Variants in CEMP1 observed in about 807,000 individuals in gnomAD.
The protein encoded by CEMP1 is cementum protein 1.
For synonymous variants in CEMP1, 161 were observed against 128.6 expected (o/e 1.25, Z -1.71); for missense variants, 387 against 316.9 (o/e 1.22, Z -1.68).
chr16:2,530,451 C>T lies in CEMP1; in HGVS notation c.623G>A (p.Arg208Lys). The change falls in exon 1 of 1, where the codon AGG (arginine) becomes AAG (lysine). Residue 208 changes from arginine (R) to lysine (K), a missense_variant. Arg to Lys is a conservative substitution (Grantham distance 26, BLOSUM62 2). Coordinates refer to ENST00000567119, the MANE Select transcript of CEMP1 (RefSeq NM_001048212.3). ...DPTVAVLRAK[R>K]APEAHPPRSC... ...TCGAGGCGGGTGGGCTTCTGGAGCC[C>T]TCTTGGCTCTGAGGACAGCCACAGT... is the stretch of plus-strand genomic sequence containing the variant. The T allele has an allele frequency of 6.2e-7, 1 of 1,614,120 alleles. No individual in the cohort carries two copies. The highest frequency in any genetic ancestry group is 8.5e-7 in the Non-Finnish European group (1 of 1,180,010).
rs747424909 is a variant in CEMP1 at position 2,530,540 on chromosome 16, A to T, written c.534T>A (p.Asn178Lys). The stretch of plus-strand genomic sequence containing the variant: ...GGGTGATTGTCTTGACTTTCTCTCC[A>T]TTTGAGTTCTGGGGTGGGTGGCTCC... ...GEGSHPPQNS[N>K]GEKVKTITPD... The change falls in exon 1 of 1, where the codon AAT (asparagine) becomes AAA (lysine). Residue 178 changes from asparagine (N) to lysine (K), a missense_variant. Physicochemically the swap from Asn to Lys is moderately conservative, Grantham distance 94 (BLOSUM62 0). Transcript: ENST00000567119. The T allele has an allele frequency of 6.2e-7, 1 of 1,614,126 alleles. No homozygotes were observed. Among genetic ancestry groups the T allele is most frequent in the Non-Finnish European group, 8.5e-7 (1 of 1,180,002 alleles).
Position 2,531,195 on chromosome 16 carries a change from C to T in CEMP1, c.-122G>A, listed in dbSNP as rs2066091570. 1 of 1,290,676 alleles carries T rather than the reference C, an allele frequency of 7.7e-7. No individual in the cohort carries two copies. The highest frequency in any genetic ancestry group is 1.1e-6 in the Non-Finnish European group (1 of 946,358). The allele number at this position is 1,290,676 out of a possible 1,614,324, so 80.0% of individuals were successfully genotyped here. A position where few individuals can be genotyped will look rare whatever the true frequency, so the allele number is the denominator to read the frequency against. On this transcript the variant is annotated 5_prime_UTR_variant, in exon 1 of 1. Transcript: ENST00000567119. The stretch of plus-strand genomic sequence containing the variant: ...GGCCTGCCCCATTCACCGGCCAGCG[C>T]CCCACCTCCCTGGCTGGAGGGTCGG...
At position 2,531,210 on chromosome 16, in the gene CEMP1, T is replaced by C. The variant is rs1304641828; in HGVS notation, c.-137A>G. On this transcript the variant is annotated 5_prime_UTR_variant, in exon 1 of 1. Coordinates refer to ENST00000567119, the MANE Select transcript of CEMP1 (RefSeq NM_001048212.3). ...CCGGCCAGCGCCCCACCTCCCTGGCTGGAGGGTCGGGGAGGGGCTGGCAGA... is the reference window on the plus strand; with the variant it reads ...CCGGCCAGCGCCCCACCTCCCTGGCCGGAGGGTCGGGGAGGGGCTGGCAGA... The C allele has an allele frequency of 8.4e-7, 1 of 1,192,554 alleles. No homozygotes were observed. Among genetic ancestry groups the C allele is most frequent in the East Asian group, 2.5e-5 (1 of 39,468 alleles). 73.9% of individuals were successfully genotyped at this position (1,192,554 alleles called of 1,614,324 possible).
Position 2,531,016 on chromosome 16 carries a change from T to TA in CEMP1, c.57dup (p.Asn20Ter). On this transcript the variant is annotated frameshift_variant, in exon 1 of 2. Transcript: ENST00000565480. LOFTEE classifies it high-confidence loss of function. Reference sequence around the variant, plus strand: ...CAGGTGAGGTTCTCAGCCGATGTGTTAGAGGTTGAGCATCGCCTGTGCCCA... The same window carrying TA: ...CAGGTGAGGTTCTCAGCCGATGTGTTAAGAGGTTGAGCATCGCCTGTGCCCA... 6.2e-7 allele frequency: 1 copy of TA among 1,607,396 alleles called. No individual in the cohort carries two copies. The highest frequency in any genetic ancestry group is 8.5e-7 in the Non-Finnish European group (1 of 1,175,060).
rs183580585 is a variant in CEMP1 at position 2,530,072 on chromosome 16, C to T, written c.*258G>A. The T allele has an allele frequency of 2.5e-4, 232 of 913,726 alleles. No homozygotes were observed. Among genetic ancestry groups the T allele is most frequent in the Admixed American group, 7.0e-4 (24 of 34,222 alleles). The allele number at this position is 913,726 out of a possible 1,614,324, so 56.6% of individuals were successfully genotyped here. ...TCTGCTCCTGAGTTGGGGTGTGCAG[C>T]GTGGAGCCCACAGCCTGGTTCTGGG... On this transcript the variant is annotated 3_prime_UTR_variant, in exon 1 of 1. Transcript: ENST00000567119.
Position 2,530,773 on chromosome 16 carries a change from G to A in CEMP1, c.301C>T (p.Pro101Ser). 3 of 1,613,654 alleles carry A rather than the reference G, an allele frequency of 1.9e-6. No individual in the cohort carries two copies. The highest frequency in any genetic ancestry group is 1.7e-6 in the Non-Finnish European group (2 of 1,179,952). ...GGCCTCGCCTGAGGGAGGGCCTGGG[G>A]CAGGGCACAAGGGGTTGATCTCAGC... ...CGLRSTPCAL[P>S]QALPQARPCP... The change falls in exon 1 of 1, where the codon CCC (proline) becomes TCC (serine). Residue 101 changes from proline (P) to serine (S), a missense_variant. Coordinates refer to ENST00000567119, the MANE Select transcript of CEMP1 (RefSeq NM_001048212.3).
chr16:2,530,372 G>C lies in CEMP1; in HGVS notation c.702C>G (p.Gly234=), dbSNP rs763548711. 3 of 1,614,144 alleles carry C rather than the reference G, an allele frequency of 1.9e-6. No homozygotes were observed. The Admixed American group carries it at 5.0e-5, about 27-fold the overall frequency. Residue 234 remains glycine, a synonymous_variant, in exon 1 of 1, where the codon GGC becomes GGG. Transcript: ENST00000567119. ...TCCTGCCATCTTCTGTGTCCCCTTGGCCCTGGCACACACCCATGTGGCAAA... is the reference window on the plus strand; with the variant it reads ...TCCTGCCATCTTCTGTGTCCCCTTGCCCCTGGCACACACCCATGTGGCAAA... ...ARVCHMGVCQ[G]QGDTEDGRMT...
In CEMP1 at chr16:2,531,290, G is replaced by T; in HGVS notation, c.-217C>A. 1 of 588,446 alleles carries T rather than the reference G, an allele frequency of 1.7e-6. No individual in the cohort carries two copies. The highest frequency in any genetic ancestry group is 3.0e-6 in the Non-Finnish European group (1 of 328,220). The allele number at this position is 588,446 out of a possible 1,614,324, so 36.5% of individuals were successfully genotyped here. ...TGGTGGGAGAGGGGCCCAGGGTCAGGGTGAGAGAGAGCTGGGCCAGGGAGC... is the reference window on the plus strand; with the variant it reads ...TGGTGGGAGAGGGGCCCAGGGTCAGTGTGAGAGAGAGCTGGGCCAGGGAGC... On this transcript the variant is annotated 5_prime_UTR_variant, in exon 1 of 1. Transcript: ENST00000567119.
At position 2,530,910 on chromosome 16, in the gene CEMP1, T is replaced by G. The variant is rs1468617939; in HGVS notation, c.164A>C (p.Lys55Thr). The G allele has an allele frequency of 7.4e-6, 12 of 1,613,336 alleles. No individual in the cohort carries two copies. The highest frequency in any genetic ancestry group is 1.0e-5 in the Non-Finnish European group (12 of 1,179,954). Residue 55 changes from lysine to threonine, a missense_variant, in exon 1 of 1, where the codon AAG becomes ACG. Physicochemically the swap from Lys to Thr is moderately conservative, Grantham distance 78. Transcript: ENST00000567119. ...AQAGAGQPLPKGCAAVKAEVG... is the reference protein window; with the variant it reads ...AQAGAGQPLPTGCAAVKAEVG... Reference sequence around the variant, plus strand: ...CTCTGCCTTGACGGCCGCGCACCCCTTAGGAAGTGGCTGTCCAGCGCCTGC... The same window carrying G: ...CTCTGCCTTGACGGCCGCGCACCCCGTAGGAAGTGGCTGTCCAGCGCCTGC...
rs377752525 is a variant in CEMP1, at chr16:2,530,616, G to C, written c.458C>G (p.Ala153Gly). The change falls in exon 1 of 1, where the codon GCC (alanine) becomes GGC (glycine). Residue 153 changes from alanine to glycine, a missense_variant. Transcript: ENST00000567119. ...LQQREENSGR[A>G]RRVPPVPRTA... The stretch of plus-strand genomic sequence containing the variant: ...CCTGGGCACAGGAGGTACGCGCCTG[G>C]CTCTGCCACTGTTCTCTTCCCTCTG... The C allele has an allele frequency of 6.2e-7, 1 of 1,614,050 alleles. No individual in the cohort carries two copies. The highest frequency in any genetic ancestry group is 8.5e-7 in the Non-Finnish European group (1 of 1,180,032).
At position 2,531,400 on chromosome 16, in the gene CEMP1, C is replaced by G. The variant is rs1002868224; in HGVS notation, c.-327G>C. On this transcript the variant is annotated 5_prime_UTR_variant, in exon 1 of 1. Transcript: ENST00000567119. ...TTAAAAATTGTGGTAAAATACATAA[C>G]AAAAGTAACTATCGTAACCTGAGCA... The G allele has an allele frequency of 4.9e-5, 25 of 505,890 alleles. No homozygotes were observed. The highest frequency in any genetic ancestry group is 5.1e-4 in the Middle Eastern group (1 of 1,950). 31.3% of individuals were successfully genotyped at this position (505,890 alleles called of 1,614,324 possible).
rs568513483 is a variant in CEMP1 at position 2,531,168 on chromosome 16, C to T, written c.-95G>A. The T allele has an allele frequency of 2.4e-5, 35 of 1,465,528 alleles. 1 individual carries two copies. The South Asian group carries it at 4.5e-4, about 19-fold the overall frequency. The allele number at this position is 1,465,528 out of a possible 1,614,324, so 90.8% of individuals were successfully genotyped here. ...GTGAGCCCTGGGCCAGCCTTTGGGC[C>T]TGGCCTGCCCCATTCACCGGCCAGC... On this transcript the variant is annotated 5_prime_UTR_variant, in exon 1 of 1. Transcript: ENST00000567119.
intron 1 of CEMP1, chr16:2,530,509 CG>C (rs762863308): frequency 3.1e-6 from 5 of 1,614,048 alleles, no homozygotes; most frequent in Non-Finnish European, 1.7e-6. Context: ...TGCAGCCCCA[CG>C]TCAGGGGTGA....
chr16:2,531,045 TGCTG>T lies in CEMP1; in HGVS notation c.25_28del (p.Gln9LysfsTer?). ...GGTTGAGCATCGCCTGTGCCCAGCT[TGCTG>T]GCTGTCAGTGCTTGATGTGCCCATC... is the stretch of plus-strand genomic sequence containing the variant. On this transcript the variant is annotated frameshift_variant, in exon 1 of 2. Transcript: ENST00000565480. LOFTEE classifies it high-confidence loss of function. 1 of 1,597,836 alleles carries T rather than the reference TGCTG, an allele frequency of 6.3e-7. No individual in the cohort carries two copies. Among genetic ancestry groups the T allele is most frequent in the Non-Finnish European group, 8.6e-7 (1 of 1,167,902 alleles).
chr16:2,530,790 G>T lies in CEMP1; in HGVS notation c.142+142C>A, dbSNP rs758022186. 20 of 1,613,526 alleles carry T rather than the reference G, an allele frequency of 1.2e-5. No individual in the cohort carries two copies. In the African/African-American group the frequency reaches 2.4e-4, roughly 19 times the overall value. On this transcript the variant is annotated intron_variant, in intron 1 of 1. Transcript: ENST00000565480. ...GGCCTGGGGCAGGGCACAAGGGGTT[G>T]ATCTCAGCCCACAAGCCCCAGGGGC... is the stretch of plus-strand genomic sequence containing the variant.
chr16:2,531,372 T>G lies in CEMP1; in HGVS notation c.-299A>C, dbSNP rs2066094738. On this transcript the variant is annotated 5_prime_UTR_variant, in exon 1 of 1. Coordinates refer to ENST00000567119, the MANE Select transcript of CEMP1 (RefSeq NM_001048212.3). ...GCACTCTTGGTTGGTTTTGGTTTGC[T>G]TTTTAAAAATTGTGGTAAAATACAT... 1 of 504,760 alleles carries G rather than the reference T, an allele frequency of 2.0e-6. No individual in the cohort carries two copies. The highest frequency in any genetic ancestry group is 3.6e-6 in the Non-Finnish European group (1 of 276,654). 31.3% of individuals were successfully genotyped at this position (504,760 alleles called of 1,614,324 possible). A position where few individuals can be genotyped will look rare whatever the true frequency, so the allele number is the denominator to read the frequency against.
rs1386239243 is a variant in CEMP1 at position 2,530,975 on chromosome 16, C to T, written c.99G>A (p.Gly33=). The change falls in exon 1 of 1, where the codon GGG becomes GGA. Residue 33 remains glycine, a synonymous_variant. Coordinates refer to ENST00000567119, the MANE Select transcript of CEMP1 (RefSeq NM_001048212.3). The stretch of plus-strand genomic sequence containing the variant: ...GGAGAGGAGCTGTCTTGCCAGGGCT[C>T]CCAGGCAGGGAGAGGCAGGTGAGGT... ...AENLTCLSLP[G]SPGKTAPLPG... 1.5e-5 allele frequency: 24 copies of T among 1,613,386 alleles called. No individual in the cohort carries two copies. Among genetic ancestry groups the T allele is most frequent in the Non-Finnish European group, 1.9e-5 (23 of 1,179,916 alleles).
intron 1 of CEMP1, chr16:2,530,676 C>T (rs1419799133): frequency 6.2e-7 from 1 of 1,614,014 alleles, no homozygotes; most frequent in Non-Finnish European, 8.5e-7. Flanking sequence ...TCTCCAGGTC[C>T]AAAGAGATAG....
At position 2,530,520 on chromosome 16, in the gene CEMP1, ATTGTC is replaced by A. The variant is rs754791536; in HGVS notation, c.143-177_143-173del. The A allele has an allele frequency of 1.9e-6, 3 of 1,614,054 alleles. No individual in the cohort carries two copies. The Admixed American group carries it at 5.0e-5, about 27-fold the overall frequency. ...TTGGTGCAGCCCCACGTCAGGGGTG[ATTGTC>A]TTGACTTTCTCTCCATTTGAGTTCT... On this transcript the variant is annotated intron_variant, in intron 1 of 1. Transcript: ENST00000565480.
Sources: gnomAD v4.1 joint callset for allele counts on GRCh38, gnomAD v4.1.1 for gene constraint, MANE v1.5 for transcripts, NCBI Gene and HGNC (gene_info 2026-07-23, HGNC 2026-07-21) for gene names.